Variants in UBR3 observed in about 807,000 individuals in gnomAD.
The protein encoded by UBR3 is E3 ubiquitin-protein ligase UBR3.
Under a neutral mutation model 243.2 loss-of-function variants are expected in UBR3, and 85 were observed. The ratio of observed to expected loss-of-function variants is 0.35; its 90% CI spans 0.29 to 0.42. The LOEUF (loss-of-function observed/expected upper bound fraction) is 0.42, where lower values mean the gene tolerates loss of function less well. UBR3 is among the 10% of genes least tolerant of loss of function. The pLI, the probability that UBR3 is intolerant of heterozygous loss-of-function variation, is 1.00. For missense variants in UBR3, 1,686 were observed against 2,300.8 expected, an observed-to-expected ratio of 0.73 and a Z score of 5.47; for synonymous variants, 748 against 799.8, an observed-to-expected ratio of 0.94 and a Z score of 1.09.
intron 26 of UBR3, among the ~76,000 whole-genome samples, chr2:170,000,677 T>A (rs2089663808): frequency 6.6e-6 from 1 of 152,232 alleles, no homozygotes; most frequent in African/African-American, 2.4e-5. Flanking sequence ...CATGAGTACT[T>A]GTATCTAATG....
Position 170,016,132 on chromosome 2 carries a change from A to T in UBR3, c.4453+766A>T, listed in dbSNP as rs529343892. ...AATATATATTCTCAAATACTAAAAAATAGTAAGTATTAAAAATTATCAATA... is the reference window on the plus strand; with the variant it reads ...AATATATATTCTCAAATACTAAAAATTAGTAAGTATTAAAAATTATCAATA... On this transcript the variant is annotated intron_variant, in intron 30 of 38. Coordinates refer to ENST00000272793, the MANE Select transcript of UBR3 (RefSeq NM_172070.4). Among the ~76,000 whole-genome samples the T allele has an allele frequency of 2.3e-4, 35 of 152,038 alleles. No individual in the cohort carries two copies. The South Asian group carries it at 7.3e-3, about 32-fold the overall frequency.
intron 32 of UBR3, among the ~76,000 whole-genome samples, chr2:170,043,634 A>C (rs954157956): frequency 1.3e-5 from 2 of 152,204 alleles, no homozygotes; most frequent in African/African-American, 4.8e-5. Flanking sequence ...TGCTTGATTC[A>C]GTTCAAGAAA....
At chr2:169,833,009 G>A (rs981621322) in intron 1 of UBR3, among the ~76,000 whole-genome samples, 7 of 151,904 alleles carry the variant, frequency 4.6e-5, no homozygotes, top group South Asian at 2.1e-4. Context: ...AAATACACTC[G>A]TTCCTCAGTA....
chr2:169,866,842 A>T (rs1454438480), intron 1 of UBR3, among the ~76,000 whole-genome samples: 4 of 152,234 alleles, frequency 2.6e-5, no homozygotes, highest in African/African-American at 9.6e-5. Context: ...GACCAAGGAA[A>T]ATCCATCTCT....
chr2:170,046,833 A>G (rs2091100457), intron 32 of UBR3, among the ~76,000 whole-genome samples: 1 of 152,114 alleles, frequency 6.6e-6, no homozygotes, highest in Non-Finnish European at 1.5e-5. Context: ...CATTCTCCAA[A>G]GATGATTGCT....
At chr2:170,004,150 A>C (rs975581532) in intron 27 of UBR3, among the ~76,000 whole-genome samples, 2 of 152,220 alleles carry the variant, frequency 1.3e-5, no homozygotes, top group African/African-American at 4.8e-5. Context: ...TTGTGGAGAA[A>C]GGGAATTGCA....
chr2:170,047,982 T>C (rs1383693685), intron 32 of UBR3, among the ~76,000 whole-genome samples: 1 of 152,178 alleles, frequency 6.6e-6, no homozygotes, highest in Non-Finnish European at 1.5e-5. Flanking sequence ...ACAAGACTAG[T>C]GATGGTGGCG....
chr2:169,892,357 G>T (rs1355331284), intron 6 of UBR3, among the ~76,000 whole-genome samples: 2 of 152,190 alleles, frequency 1.3e-5, no homozygotes, highest in African/African-American at 4.8e-5. Context: ...TAGGCACATA[G>T]TTGAGTTTAA....
At chr2:169,858,787 A>G (rs1022937699) in intron 1 of UBR3, among the ~76,000 whole-genome samples, 2 of 151,956 alleles carry the variant, frequency 1.3e-5, no homozygotes, top group Non-Finnish European at 2.9e-5. Context: ...TTTAGTAGAT[A>G]TAGGGTTTCA....
chr2:170,008,892 C>T lies in UBR3; in HGVS notation c.4319C>T (p.Thr1440Ile), dbSNP rs751449470. 3 of 1,598,818 alleles carry T rather than the reference C, an allele frequency of 1.9e-6. No homozygotes were observed. The East Asian group carries it at 6.7e-5, about 36-fold the overall frequency. The change falls in exon 29 of 39, where the codon ACC becomes ATC. Residue 1440 changes from threonine to isoleucine, a missense_variant. Thr to Ile is a moderately conservative substitution (Grantham distance 89). Around this residue, in one of 8 missense-constraint regions of UBR3, gnomAD observed 371 missense variants for 422.5 expected, o/e 0.88. Coordinates refer to ENST00000272793, the MANE Select transcript of UBR3 (RefSeq NM_172070.4). ...TQKKYRDYSK[T>I]PGSPDNDFLF... Reference sequence around the variant, plus strand: ...AAGAAATATAGAGACTATAGCAAGACCCCGGGCTCACCAGACAATGATTTT... The same window carrying T: ...AAGAAATATAGAGACTATAGCAAGATCCCGGGCTCACCAGACAATGATTTT...
At chr2:169,984,781 A>T (rs966598012) in intron 24 of UBR3, among the ~76,000 whole-genome samples, 1 of 152,162 alleles carries the variant, frequency 6.6e-6, no homozygotes, top group African/African-American at 2.4e-5. Context: ...TTCTTGAAGA[A>T]AAAAAGGGAC....
At chr2:169,912,871 C>A (rs551615868) in intron 10 of UBR3, among the ~76,000 whole-genome samples, 2 of 151,972 alleles carry the variant, frequency 1.3e-5, no homozygotes, top group South Asian at 4.2e-4. Context: ...TCCTTAAAAT[C>A]CTGGGCTCAA....
At chr2:169,846,721 A>G (rs2082492189) in intron 1 of UBR3, among the ~76,000 whole-genome samples, 1 of 151,980 alleles carries the variant, frequency 6.6e-6, no homozygotes, top group Non-Finnish European at 1.5e-5. Context: ...AAAAAAAAAA[A>G]AAAAAATCTT....
chr2:169,877,202 T>A (rs2083652019), intron 3 of UBR3, among the ~76,000 whole-genome samples: 1 of 152,234 alleles, frequency 6.6e-6, no homozygotes, highest in Non-Finnish European at 1.5e-5. Context: ...TCAGGTTCCT[T>A]TAAAGTTCGG....
intron 35 of UBR3, among the ~76,000 whole-genome samples, chr2:170,069,891 A>G (rs952434954): frequency 2.0e-5 from 3 of 152,110 alleles, no homozygotes; most frequent in Non-Finnish European, 4.4e-5. Flanking sequence ...CTTATAACAT[A>G]TGCACACCCT....
At chr2:169,850,434 C>T (rs2082619290) in intron 1 of UBR3, among the ~76,000 whole-genome samples, 1 of 152,184 alleles carries the variant, frequency 6.6e-6, no homozygotes, top group Non-Finnish European at 1.5e-5. Flanking sequence ...CCGTCTCCTC[C>T]TACCAAAGTG....
At chr2:169,832,357 T>C (rs1226232857) in intron 1 of UBR3, among the ~76,000 whole-genome samples, 1 of 151,020 alleles carries the variant, frequency 6.6e-6, no homozygotes, top group Non-Finnish European at 1.5e-5. Flanking sequence ...GAGATCATCC[T>C]GGCTAACATG....
intron 31 of UBR3, among the ~76,000 whole-genome samples, chr2:170,031,348 G>T (rs970650839): frequency 6.6e-6 from 1 of 152,018 alleles, no homozygotes; most frequent in Non-Finnish European, 1.5e-5. Context: ...TTTACTTCAT[G>T]TATGATTTTT....
At chr2:169,971,517 G>A (rs920864892) in intron 24 of UBR3, among the ~76,000 whole-genome samples, 7 of 151,362 alleles carry the variant, frequency 4.6e-5, no homozygotes, top group African/African-American at 1.7e-4. Flanking sequence ...GTGTAAGGAA[G>A]GGATCCAGTT....
Sources: gnomAD v4.1 joint callset for allele counts (sites outside exome capture counted in the v4.1 genomes callset) on GRCh38, gnomAD v4.1.1 for gene constraint, gnomAD v4.1.1 regional missense constraint, MANE v1.5 for transcripts, NCBI Gene and HGNC (gene_info 2026-07-23, HGNC 2026-07-21) for gene names.